Variants in NEK11 observed in about 807,000 individuals in gnomAD.
NEK11 encodes the protein NIMA related kinase 11.
In NEK11, 72 loss-of-function variants were observed where a neutral mutation model predicts 80.7. The observed-to-expected ratio is 0.89, with a 90% confidence interval of 0.74 to 1.08. NEK11 has a LOEUF of 1.08. Ranked by LOEUF, NEK11 falls within the 50% of genes least tolerant of loss-of-function variation. The probability of loss-of-function intolerance (pLI) is 0.00; values close to 1 mark genes in which losing one functional copy is unlikely to be tolerated. For synonymous variants in NEK11, 251 were observed against 260.7 expected (o/e 0.96, Z 0.36); for missense variants, 764 against 763.6 (o/e 1.00, Z -0.01).
chr3:131,228,283 T>A (rs1036838565), intron 14 of NEK11, among the ~76,000 whole-genome samples: 11 of 152,280 alleles, frequency 7.2e-5, no homozygotes, highest in African/African-American at 2.6e-4. Flanking sequence ...TATTTAATGA[T>A]TTTTTTCTTA....
intron 3 of NEK11, among the ~76,000 whole-genome samples, chr3:131,078,873 CTTT>C (rs769791475): frequency 6.5e-5 from 9 of 139,086 alleles, no homozygotes; most frequent in Non-Finnish European, 7.9e-5. Flanking sequence ...ACTCCTTCAT[CTTT>C]TTTTTTTTTT....
At position 131,267,273 on chromosome 3, in the gene NEK11, C is replaced by A. The variant is rs866262554; in HGVS notation, c.1622-6205C>A. Among the ~76,000 whole-genome samples the A allele has an allele frequency of 4.6e-5, 7 of 152,322 alleles. No individual in the cohort carries two copies. The South Asian group carries it at 1.4e-3, about 32-fold the overall frequency. ...TTTTGCTCATTAGTTGATGCAGTTT[C>A]TTCATAGTTTAAATGGTCTTTACAA... On this transcript the variant is annotated intron_variant, in intron 16 of 17. Transcript: ENST00000383366.
At chr3:131,284,287 A>G (rs1009487194) in intron 17 of NEK11, among the ~76,000 whole-genome samples, 2 of 152,218 alleles carry the variant, frequency 1.3e-5, no homozygotes, top group Non-Finnish European at 2.9e-5. Flanking sequence ...GATGTCAGCC[A>G]GCTTGTCCCT....
intron 3 of NEK11, among the ~76,000 whole-genome samples, chr3:131,079,577 T>A (rs997729280): frequency 5.3e-5 from 8 of 152,228 alleles, no homozygotes; most frequent in Admixed American, 1.3e-4. Flanking sequence ...TTTGGTACTA[T>A]AATTGATTTG....
At chr3:131,058,575 C>A (rs58948758) in intron 3 of NEK11, among the ~76,000 whole-genome samples, 1,762 of 152,232 alleles carry the variant, frequency 0.012, 44 homozygotes, top group African/African-American at 0.039. Context: ...CTAGATACTG[C>A]ATGTCATTGT....
At chr3:131,193,380 G>A (rs2093877762) in intron 14 of NEK11, among the ~76,000 whole-genome samples, 1 of 152,120 alleles carries the variant, frequency 6.6e-6, no homozygotes, top group South Asian at 2.1e-4. Flanking sequence ...GAGTCTCAGA[G>A]ACTTCCAGGG....
chr3:131,111,882 AT>A (rs2080192083), intron 5 of NEK11, among the ~76,000 whole-genome samples: 1 of 152,208 alleles, frequency 6.6e-6, no homozygotes, highest in African/African-American at 2.4e-5. Flanking sequence ...TTATAATTTA[AT>A]ATAGAAATGA....
intron 4 of NEK11, chr3:131,088,037 T>C (rs753957704): frequency 4.6e-5 from 7 of 152,232 alleles, no homozygotes; most frequent in Non-Finnish European, 8.8e-5. Flanking sequence ...CTGTCTTCAG[T>C]GGTTTGCATT....
At chr3:131,141,276 CAG>C (rs1309051563) in intron 7 of NEK11, among the ~76,000 whole-genome samples, 5 of 152,144 alleles carry the variant, frequency 3.3e-5, no homozygotes, top group Non-Finnish European at 7.3e-5. Context: ...ATGTATAAAG[CAG>C]AGAGTGATTG....
intron 3 of NEK11, among the ~76,000 whole-genome samples, chr3:131,035,816 A>G (rs1000302433): frequency 1.3e-5 from 2 of 152,186 alleles, no homozygotes; most frequent in African/African-American, 4.8e-5. Flanking sequence ...AAACCAGGTA[A>G]AAGGTCTCTT....
intron 16 of NEK11, among the ~76,000 whole-genome samples, chr3:131,256,881 C>T (rs16836239): frequency 0.13 from 19,374 of 152,102 alleles, 1,783 homozygotes; most frequent in East Asian, 0.3. Context: ...ATACTGGGCA[C>T]AGTTTTTAGA....
chr3:131,274,632 CTTTTTTTTTTTTTTTTTTTT>C (rs756861338), intron 17 of NEK11, among the ~76,000 whole-genome samples: 1 of 45,304 alleles, frequency 2.2e-5, no homozygotes, highest in African/African-American at 8.0e-5. Flanking sequence ...TGTTTCCTGA[CTTTTTTTTTTTTTTTTTTTT>C]TTTTTTTTTT....
chr3:131,150,924 C>A lies in NEK11; in HGVS notation c.648-1464C>A, dbSNP rs560104776. 2.6e-5 allele frequency among the ~76,000 whole-genome samples: 4 copies of A among 151,936 alleles called. No homozygotes were observed. The East Asian group carries it at 7.7e-4, about 29-fold the overall frequency. Reference sequence around the variant, plus strand: ...TGCTTGGCTAAAAACATCTTTATTTCCTCTTAATTTGAAGGACTGTTTTTT... The same window carrying A: ...TGCTTGGCTAAAAACATCTTTATTTACTCTTAATTTGAAGGACTGTTTTTT... On this transcript the variant is annotated intron_variant, in intron 7 of 17. Transcript: ENST00000383366.
At chr3:131,249,015 T>C (rs2095653281) in intron 16 of NEK11, among the ~76,000 whole-genome samples, 1 of 151,884 alleles carries the variant, frequency 6.6e-6, no homozygotes, top group Non-Finnish European at 1.5e-5. Flanking sequence ...GGGTGTTTTT[T>C]TTTTCCTTAA....
At chr3:131,243,532 C>T (rs1326333843) in intron 16 of NEK11, 36 bp downstream of exon 16, 4 of 1,513,950 alleles carry the variant, frequency 2.6e-6, no homozygotes, top group East Asian at 2.3e-5. Context: ...AATACATTGA[C>T]AGCTACTGAT....
intron 9 of NEK11, among the ~76,000 whole-genome samples, chr3:131,154,009 G>A (rs908610046): frequency 2.6e-5 from 4 of 152,182 alleles, no homozygotes; most frequent in African/African-American, 9.7e-5. Context: ...ACAGGGAATA[G>A]CTGGCACAGA....
chr3:131,124,891 A>G (rs1266499727), intron 5 of NEK11, among the ~76,000 whole-genome samples: 1 of 152,190 alleles, frequency 6.6e-6, no homozygotes. Context: ...GCTATACAAC[A>G]TTGGGCAAGT....
intron 15 of NEK11, among the ~76,000 whole-genome samples, chr3:131,241,636 CTTTAA>C (rs2095520574): frequency 1.3e-5 from 2 of 152,028 alleles, no homozygotes; most frequent in African/African-American, 2.4e-5. Flanking sequence ...TACCAACTCC[CTTTAA>C]TTTAATAAAT....
chr3:131,112,391 A>G (rs2080277671), intron 5 of NEK11, among the ~76,000 whole-genome samples: 1 of 152,140 alleles, frequency 6.6e-6, no homozygotes, highest in Non-Finnish European at 1.5e-5. Flanking sequence ...AACCTAAGAT[A>G]AGTCAGAATA....
Sources: gnomAD v4.1 joint callset for allele counts (sites outside exome capture counted in the v4.1 genomes callset) on GRCh38, gnomAD v4.1.1 for gene constraint, MANE v1.5 for transcripts, NCBI Gene and HGNC (gene_info 2026-07-23, HGNC 2026-07-21) for gene names.